DMD: variants seen among roughly 807,000 people sequenced by gnomAD.
DMD encodes dystrophin.
Under a neutral mutation model 330.1 loss-of-function variants are expected in DMD, and 63 were observed. The observed-to-expected ratio is 0.19, with a 90% CI of 0.16 to 0.24. DMD has a LOEUF of 0.24. Ranked by LOEUF, DMD falls within the 10% of genes least tolerant of loss-of-function variation. The pLI is 1.00. For synonymous variants in DMD, 1,223 were observed against 959.8 expected, an observed-to-expected ratio of 1.27 and a Z score of -5.07; for missense variants, 3,344 against 2,684.1, an observed-to-expected ratio of 1.25 and a Z score of -5.43.
chrX:32,666,001 C>T (rs5972642), intron 9 of DMD, among the ~76,000 whole-genome samples: 24,432 of 110,225 alleles, frequency 0.22, 4,682 homozygotes, highest in African/African-American at 0.64. Context: ...AACCTGACTG[C>T]TGCCATAAGA....
chrX:32,888,980 G>A lies in DMD; in HGVS notation c.94-39160C>T, dbSNP rs762115869. The stretch of plus-strand genomic sequence containing the variant: ...ACTATTTTCTCCGTCTCTGAGCCTA[G>A]ATACTATTTTCCTGGACTGGATGGA... On this transcript the variant is annotated intron_variant, in intron 2 of 78. Transcript: ENST00000357033. Among the ~76,000 whole-genome samples the A allele has an allele frequency of 6.4e-5, 7 of 110,164 alleles. 1 individual carries two copies. The South Asian group carries it at 2.8e-3, about 44-fold the overall frequency.
intron 9 of DMD, among the ~76,000 whole-genome samples, chrX:32,694,071 G>A (rs780959098): frequency 5.4e-5 from 6 of 111,789 alleles, no homozygotes; most frequent in Non-Finnish European, 3.8e-5. Flanking sequence ...AATATTTAAT[G>A]TAGTTAGGTA....
intron 36 of DMD, among the ~76,000 whole-genome samples, chrX:32,363,414 A>G (rs1392215281): frequency 8.0e-5 from 9 of 112,007 alleles, no homozygotes; most frequent in Admixed American, 7.6e-4. Context: ...TAGCACTTTC[A>G]AGTTCCTCTT....
intron 1 of DMD, among the ~76,000 whole-genome samples, chrX:33,097,401 C>T (rs1447525316): frequency 9.1e-6 from 1 of 110,207 alleles, no homozygotes; most frequent in Admixed American, 9.8e-5. Flanking sequence ...TCTGGGTTTA[C>T]CATCTTTTGA....
At chrX:31,364,864 G>A (rs939901421) in intron 60 of DMD, among the ~76,000 whole-genome samples, 9 of 110,860 alleles carry the variant, frequency 8.1e-5, no homozygotes, top group African/African-American at 2.3e-4. Flanking sequence ...TTGGGAGGCC[G>A]AGGCGGGCAG....
chrX:32,019,419 G>A (rs1798243338), intron 44 of DMD, among the ~76,000 whole-genome samples: 1 of 111,737 alleles, frequency 8.9e-6, no homozygotes, highest in Non-Finnish European at 1.9e-5. Flanking sequence ...GATAATCTTT[G>A]AATTTAAAAC....
At chrX:31,384,314 CTACTACTACTACTACTACT>C (rs2060336776) in intron 60 of DMD, among the ~76,000 whole-genome samples, 1 of 44,213 alleles carries the variant, frequency 2.3e-5, no homozygotes, top group South Asian at 1.1e-3. Flanking sequence ...TGCTTCACTA[CTACTACTACTACTACTACT>C]ACTACTACTA....
At chrX:31,326,442 A>G (rs758560834) in intron 61 of DMD, among the ~76,000 whole-genome samples, 1 of 110,569 alleles carries the variant, frequency 9.0e-6, no homozygotes, top group African/African-American at 3.3e-5. Flanking sequence ...GTAGCCATCA[A>G]ATAGGTCCAA....
chrX:32,201,825 C>T (rs2097040698), intron 44 of DMD, among the ~76,000 whole-genome samples: 1 of 110,860 alleles, frequency 9.0e-6, no homozygotes, highest in South Asian at 3.8e-4. Context: ...TTCTTTAAGA[C>T]TCCAGTGCAA....
intron 44 of DMD, among the ~76,000 whole-genome samples, chrX:32,087,211 G>A (rs1220039946): frequency 8.9e-6 from 1 of 111,765 alleles, no homozygotes; most frequent in Admixed American, 9.5e-5. Flanking sequence ...ACATGTAATT[G>A]AGAAAAATAA....
chrX:32,597,281 T>C (rs1409935029), intron 12 of DMD, among the ~76,000 whole-genome samples: 8 of 111,912 alleles, frequency 7.1e-5, no homozygotes, highest in Middle Eastern at 4.6e-3. Flanking sequence ...TAATTTCTTA[T>C]GTATCAGCTT....
intron 55 of DMD, among the ~76,000 whole-genome samples, chrX:31,538,813 T>C (rs1186972804): frequency 9.0e-6 from 1 of 110,947 alleles, no homozygotes; most frequent in Non-Finnish European, 1.9e-5. Flanking sequence ...AATGAATTTG[T>C]GGAAGCAGAG....
chrX:31,546,117 AT>A (rs1438936281), intron 55 of DMD, among the ~76,000 whole-genome samples: 1 of 112,199 alleles, frequency 8.9e-6, no homozygotes, highest in Middle Eastern at 4.2e-3. Flanking sequence ...GTATTAGATG[AT>A]TTTCCCGAGT....
rs1482873063 is a variant in DMD, at chrX:31,882,028, C to A, written c.6913-6655G>T. On this transcript the variant is annotated intron_variant, in intron 47 of 78. Coordinates refer to ENST00000357033, the MANE Select transcript of DMD (RefSeq NM_004006.3). ...CCAATACTGTAAAGATATCTGCCCT[C>A]TCTTCAAATAATCTATAAATTCAAT... Among the ~76,000 whole-genome samples the A allele has an allele frequency of 3.6e-5, 4 of 112,285 alleles. No individual in the cohort carries two copies. In the South Asian group the frequency reaches 1.5e-3, roughly 41 times the overall value.
Position 32,828,622 on chromosome X carries a change from C to T in DMD, c.265-5235G>A, listed in dbSNP as rs145028816. 6.8e-3 allele frequency among the ~76,000 whole-genome samples: 736 copies of T among 107,481 alleles called. 6 individuals are homozygous for T. Among genetic ancestry groups the T allele is most frequent in the African/African-American group, 0.024 (693 of 28,507 alleles). The allele number at this position is 107,481 out of a possible 115,157, so 93.3% of individuals were successfully genotyped here. On this transcript the variant is annotated intron_variant, in intron 4 of 78. Coordinates refer to ENST00000357033, the MANE Select transcript of DMD (RefSeq NM_004006.3). ...ATATATACATATGTATACATCTATA[C>T]ACATATATACATATGTATACATCTA...
rs182819293 is a variant in DMD at position 32,757,579 on chromosome X, A to G, written c.649+51914T>C. ...TCCCATGCTGTTCTCGTGATAGTGA[A>G]TACGTCTCACGAGATCTGATGGTTT... On this transcript the variant is annotated intron_variant, in intron 7 of 78. Coordinates refer to ENST00000357033, the MANE Select transcript of DMD (RefSeq NM_004006.3). Among the ~76,000 whole-genome samples the G allele has an allele frequency of 3.3e-3, 362 of 110,634 alleles. 5 individuals carry two copies. The highest frequency in any genetic ancestry group is 0.028 in the Admixed American group (289 of 10,308).
intron 45 of DMD, among the ~76,000 whole-genome samples, chrX:31,957,271 G>A (rs1451996262): frequency 2.7e-5 from 3 of 111,767 alleles, no homozygotes; most frequent in Admixed American, 9.5e-5. Flanking sequence ...GTCCGTTTCC[G>A]CTTCTATCAA....
intron 2 of DMD, among the ~76,000 whole-genome samples, chrX:32,950,243 A>C (rs73466883): frequency 0.081 from 8,952 of 110,982 alleles, 329 homozygotes; most frequent in African/African-American, 0.15. Context: ...TTGAGCACTT[A>C]AAACAGGCCA....
rs2053504932 is a variant in DMD, at chrX:33,291,120, C to T, written c.7+48139G>A. Among the ~76,000 whole-genome samples, 5 of 111,550 alleles carry T rather than the reference C, an allele frequency of 4.5e-5. No homozygotes were observed. The South Asian group carries it at 1.9e-3, about 42-fold the overall frequency. On this transcript the variant is annotated intron_variant, in intron 1 of 17. Transcript: ENST00000288447. ...GGTTCAACACATGCAAATCAATAAA[C>T]ATAATCCAGCACATAAACAGCACCA...
Sources: gnomAD v4.1 joint callset for allele counts (sites outside exome capture counted in the v4.1 genomes callset) on GRCh38, gnomAD v4.1.1 for gene constraint, MANE v1.5 for transcripts, NCBI Gene and HGNC (gene_info 2026-07-23, HGNC 2026-07-21) for gene names.